Variants in PRKAR1B observed in about 807,000 individuals in gnomAD.
PRKAR1B encodes cAMP-dependent protein kinase type I-beta regulatory subunit.
In PRKAR1B, 22 loss-of-function variants were observed where a neutral mutation model predicts 46.5. The observed-to-expected ratio is 0.47, with a 90% CI of 0.34 to 0.68. The LOEUF (loss-of-function observed/expected upper bound fraction) is 0.68, where lower values mean the gene tolerates loss of function less well. Ranked by LOEUF, PRKAR1B falls within the 30% of genes least tolerant of loss-of-function variation. The pLI is 0.01. For missense variants in PRKAR1B, 445 were observed against 535.6 expected, an observed-to-expected ratio of 0.83 and a Z score of 1.67; for synonymous variants, 259 against 217.7, an observed-to-expected ratio of 1.19 and a Z score of -1.67.
In PRKAR1B at chr7:714,793, A is replaced by G. The variant is rs1226119967; in HGVS notation, c.-22-3266T>C. On this transcript the variant is annotated intron_variant, in intron 1 of 10. Transcript: ENST00000537384. This position sits in a 1 kb window ranked among gnomAD's most constrained non-coding sequence, Gnocchi z 4.3. ...TGCCAGAGGATGAAATCAACACAGA[A>G]GTGGGAAGAAACAGGATCCTAGAGA... Among the ~76,000 whole-genome samples, 1 of 152,272 alleles carries G rather than the reference A, an allele frequency of 6.6e-6. No individual in the cohort carries two copies. The highest frequency in any genetic ancestry group is 1.5e-5 in the Non-Finnish European group (1 of 68,046).
chr7:637,065 G>A (rs1311947357), intron 4 of PRKAR1B, among the ~76,000 whole-genome samples: 1 of 151,946 alleles, frequency 6.6e-6, no homozygotes, highest in Admixed American at 6.6e-5. Flanking sequence ...GCGGGTGGAC[G>A]GTTTGAGCTC....
chr7:556,299 A>T (rs1025723658), intron 9 of PRKAR1B, among the ~76,000 whole-genome samples: 1 of 151,976 alleles, frequency 6.6e-6, no homozygotes, highest in Non-Finnish European at 1.5e-5. Flanking sequence ...CCTCAGAGGC[A>T]TCCCAGAGGC....
At chr7:697,918 G>A (rs866076428) in intron 2 of PRKAR1B, among the ~76,000 whole-genome samples, 2 of 117,748 alleles carry the variant, frequency 1.7e-5, no homozygotes, top group Admixed American at 8.1e-5. Flanking sequence ...GGAAGGGAGG[G>A]GAGGGGAGGG....
rs1030421540 is a variant in PRKAR1B at position 550,222 on chromosome 7, C to A, written c.*208G>T. 3.5e-6 allele frequency: 2 copies of A among 577,244 alleles called. No homozygotes were observed. Among genetic ancestry groups the A allele is most frequent in the Non-Finnish European group, 3.1e-6 (1 of 323,496 alleles). The allele number at this position is 577,244 out of a possible 1,614,324, so 35.8% of individuals were successfully genotyped here. ...CTGTCCCTTCCTTGATCTTGGGATG[C>A]ATTTTGTCCGCTTGTCCTTTGATTT... On this transcript the variant is annotated 3_prime_UTR_variant, in exon 11 of 11. Transcript: ENST00000537384.
At chr7:573,615 G>A (rs1330275760) in intron 9 of PRKAR1B, among the ~76,000 whole-genome samples, 1 of 152,210 alleles carries the variant, frequency 6.6e-6, no homozygotes, top group African/African-American at 2.4e-5. Context: ...CCAAGATCAC[G>A]AAAATCAGCC....
intron 4 of PRKAR1B, among the ~76,000 whole-genome samples, chr7:616,808 C>T (rs1782846668): frequency 6.6e-6 from 1 of 152,198 alleles, no homozygotes; most frequent in Admixed American, 6.5e-5. Flanking sequence ...AAGCCAAAAG[C>T]CATCCATGAA....
rs532997030 is a variant in PRKAR1B at position 595,156 on chromosome 7, G to A, written c.708+990C>T. Among the ~76,000 whole-genome samples the A allele has an allele frequency of 5.3e-5, 8 of 152,234 alleles. No individual in the cohort carries two copies. The South Asian group carries it at 1.0e-3, about 20-fold the overall frequency. Reference sequence around the variant, plus strand: ...TGGACAGCGCCTCACTGCCCCACGCGGGAAGGCCTCCTCATCCACACAGGC... The same window carrying A: ...TGGACAGCGCCTCACTGCCCCACGCAGGAAGGCCTCCTCATCCACACAGGC... On this transcript the variant is annotated intron_variant, in intron 7 of 10. Coordinates refer to ENST00000537384, the MANE Select transcript of PRKAR1B (RefSeq NM_001164760.2).
intron 4 of PRKAR1B, among the ~76,000 whole-genome samples, chr7:622,598 G>A (rs1783169144): frequency 6.6e-6 from 1 of 152,090 alleles, no homozygotes; most frequent in African/African-American, 2.4e-5. Flanking sequence ...AGGGATGGAA[G>A]GGGGATGTCA....
intron 10 of PRKAR1B, among the ~76,000 whole-genome samples, 167 bp downstream of exon 10, chr7:551,222 G>C (rs1038220071): frequency 1.3e-5 from 2 of 152,122 alleles, no homozygotes; most frequent in Non-Finnish European, 2.9e-5. Flanking sequence ...ACTTCAATTT[G>C]GGGGAACAGG....
intron 9 of PRKAR1B, among the ~76,000 whole-genome samples, chr7:577,155 C>T (rs1284776767): frequency 2.0e-5 from 3 of 152,214 alleles, no homozygotes; most frequent in Admixed American, 6.5e-5. Flanking sequence ...CGGCCCCAGC[C>T]GCATTGCTGG....
intron 10 of PRKAR1B, among the ~76,000 whole-genome samples, chr7:550,979 C>T (rs924784620): frequency 6.6e-6 from 1 of 151,012 alleles, no homozygotes; most frequent in African/African-American, 2.4e-5. Flanking sequence ...CCAGGTGTGC[C>T]CAGGCCTCCC....
At chr7:556,135 T>C (rs1333557295) in intron 9 of PRKAR1B, among the ~76,000 whole-genome samples, 5 of 152,038 alleles carry the variant, frequency 3.3e-5, no homozygotes, top group Admixed American at 3.3e-4. Flanking sequence ...CAGGCCACCC[T>C]GCACCCCTGA....
chr7:573,522 G>A (rs973469196), intron 9 of PRKAR1B, among the ~76,000 whole-genome samples: 33 of 152,110 alleles, frequency 2.2e-4, no homozygotes, highest in Admixed American at 2.2e-3. Flanking sequence ...CCCTCCTGGG[G>A]ACTCTGCAGA....
intron 9 of PRKAR1B, among the ~76,000 whole-genome samples, chr7:574,554 T>C (rs1274768102): frequency 6.6e-6 from 1 of 152,180 alleles, no homozygotes; most frequent in Non-Finnish European, 1.5e-5. Flanking sequence ...AAGTGATTCT[T>C]ATGCCTCAGC....
At chr7:651,538 G>A (rs992526872) in intron 4 of PRKAR1B, among the ~76,000 whole-genome samples, 5 of 151,510 alleles carry the variant, frequency 3.3e-5, no homozygotes, top group African/African-American at 4.9e-5. Context: ...CCCGTGCAGC[G>A]CTAGGAACCT....
intron 1 of PRKAR1B, among the ~76,000 whole-genome samples, chr7:721,500 T>C (rs945748078): frequency 1.8e-4 from 28 of 152,140 alleles, no homozygotes; most frequent in African/African-American, 6.0e-4. Flanking sequence ...AATAAAAAAA[T>C]ACTCGGGCAT....
In PRKAR1B at chr7:719,310, G is replaced by A. The variant is rs924808042; in HGVS notation, c.-22-7783C>T. 3.3e-5 allele frequency among the ~76,000 whole-genome samples: 5 copies of A among 152,226 alleles called. No homozygotes were observed. The South Asian group carries it at 8.3e-4, about 25-fold the overall frequency. On this transcript the variant is annotated intron_variant, in intron 1 of 10. Coordinates refer to ENST00000537384, the MANE Select transcript of PRKAR1B (RefSeq NM_001164760.2). ...CCGCCTTAGCCTCCCAAAGTGCTGG[G>A]ATTACAGGCATGAGCCATTGTGCCC...
chr7:578,980 C>G (rs1780024177), intron 9 of PRKAR1B: 6 of 1,273,982 alleles, frequency 4.7e-6, no homozygotes, highest in Non-Finnish European at 5.0e-6. Context: ...CCGCGCCCGG[C>G]CAGTTTCATG....
At chr7:696,992 C>G (rs116881138) in intron 2 of PRKAR1B, 2 of 152,448 alleles carry the variant, frequency 1.3e-5, no homozygotes, top group East Asian at 3.9e-4. Flanking sequence ...ATTTTGCAGC[C>G]CCCACTTCCT....
Sources: gnomAD v4.1 joint callset for allele counts (sites outside exome capture counted in the v4.1 genomes callset) on GRCh38, gnomAD v4.1.1 for gene constraint, Gnocchi (gnomAD v3.1) non-coding constraint, MANE v1.5 for transcripts, NCBI Gene and HGNC (gene_info 2026-07-23, HGNC 2026-07-21) for gene names.